The following TMEM117 variants were observed in gnomAD, a reference collection of about 807,000 sequenced individuals.
The protein encoded by TMEM117 is transmembrane protein 117.
A neutral mutation model predicts 52.4 loss-of-function variants in TMEM117; 27 were observed. The ratio of observed to expected loss-of-function variants is 0.51; its 90% CI spans 0.38 to 0.71. The LOEUF is 0.71. TMEM117 is among the 30% of genes least tolerant of loss of function. The probability of loss-of-function intolerance (pLI) is 0.00; values close to 1 mark genes in which losing one functional copy is unlikely to be tolerated. For missense variants in TMEM117, 556 were observed against 630.5 expected (o/e 0.88, Z 1.26); for synonymous variants, 215 against 206.3 (o/e 1.04, Z -0.36).
chr12:44,031,912 G>A (rs1946638864), intron 3 of TMEM117, among the ~76,000 whole-genome samples: 1 of 152,142 alleles, frequency 6.6e-6, no homozygotes, highest in South Asian at 2.1e-4. Flanking sequence ...AATCAAATTT[G>A]ACTTGTAGAG....
At chr12:44,317,284 TTATATA>T (rs539649274) in intron 6 of TMEM117, among the ~76,000 whole-genome samples, 1 of 146,956 alleles carries the variant, frequency 6.8e-6, no homozygotes, top group Non-Finnish European at 1.5e-5. Context: ...TCTTTCCCTA[TTATATA>T]TATATATATG....
chr12:44,389,863 C>T (rs2138882085), downstream of TMEM117: 1 of 152,170 alleles, frequency 6.6e-6, no homozygotes, highest in Admixed American at 6.6e-5. Context: ...AGAGAAGGCA[C>T]ACTGCCAACT....
chr12:44,050,993 G>T lies in TMEM117; in HGVS notation c.411-92532G>T, dbSNP rs577521140. ...AAATTTATTATTTCATTATTCCTAA[G>T]ACTTCATTTATTACGATCCTTGGGA... On this transcript the variant is annotated intron_variant, in intron 3 of 7. Transcript: ENST00000266534. 3.9e-4 allele frequency among the ~76,000 whole-genome samples: 60 copies of T among 152,274 alleles called. 1 individual carries two copies. The South Asian group carries it at 0.012, about 30-fold the overall frequency.
At chr12:44,171,225 C>T (rs569690872) in intron 4 of TMEM117, among the ~76,000 whole-genome samples, 3 of 151,996 alleles carry the variant, frequency 2.0e-5, no homozygotes, top group Admixed American at 6.6e-5. Context: ...CCATTTTAGC[C>T]GGGATGGTCT....
intron 4 of TMEM117, among the ~76,000 whole-genome samples, chr12:44,197,561 G>A (rs577494493): frequency 4.9e-4 from 75 of 152,176 alleles, no homozygotes; most frequent in African/African-American, 1.6e-3. Flanking sequence ...CAAAACCAGT[G>A]ATCATTCTCA....
chr12:44,340,800 A>G (rs1951406781), intron 6 of TMEM117, among the ~76,000 whole-genome samples: 1 of 152,096 alleles, frequency 6.6e-6, no homozygotes, highest in South Asian at 2.1e-4. Context: ...CATTGTACAC[A>G]TATTTTTAAT....
At chr12:44,233,666 A>G (rs1239876743) in intron 5 of TMEM117, among the ~76,000 whole-genome samples, 1 of 151,372 alleles carries the variant, frequency 6.6e-6, no homozygotes, top group African/African-American at 2.4e-5. Flanking sequence ...AAAATATTTT[A>G]TTGTATCTTT....
At chr12:43,923,150 C>T (rs7976155) in intron 2 of TMEM117, among the ~76,000 whole-genome samples, 149,913 of 152,260 alleles carry the variant, frequency 0.98, 73,832 homozygotes, top group East Asian at 1. Flanking sequence ...TGTTGCTTCT[C>T]CCCTGGAAGT....
intron 5 of TMEM117, among the ~76,000 whole-genome samples, chr12:44,282,103 T>C (rs1479141317): frequency 6.6e-6 from 1 of 151,926 alleles, no homozygotes; most frequent in Non-Finnish European, 1.5e-5. Flanking sequence ...TTTGCTTCTT[T>C]CTCATTTTTC....
chr12:43,865,154 T>A (rs1393778722), intron 2 of TMEM117, among the ~76,000 whole-genome samples: 1 of 152,166 alleles, frequency 6.6e-6, no homozygotes, highest in African/African-American at 2.4e-5. Context: ...GCGGCTTCAT[T>A]CTTGAAGTCA....
At chr12:44,157,211 A>G (rs1948837208) in intron 4 of TMEM117, among the ~76,000 whole-genome samples, 1 of 152,136 alleles carries the variant, frequency 6.6e-6, no homozygotes, top group Admixed American at 6.6e-5. Flanking sequence ...CCAATTCTTC[A>G]TGTGCTTTAA....
At chr12:43,894,784 G>T (rs12582940) in intron 2 of TMEM117, among the ~76,000 whole-genome samples, 1 of 151,952 alleles carries the variant, frequency 6.6e-6, no homozygotes, top group Non-Finnish European at 1.5e-5. Flanking sequence ...TCTTTATCCC[G>T]TCTGTCATTG....
intron 4 of TMEM117, among the ~76,000 whole-genome samples, chr12:44,148,018 G>GT (rs1948669938): frequency 6.6e-6 from 1 of 151,856 alleles, no homozygotes; most frequent in Non-Finnish European, 1.5e-5. Flanking sequence ...CCTGAAAACC[G>GT]TATACTGTGT....
chr12:43,983,563 T>C (rs1945796374), intron 3 of TMEM117, among the ~76,000 whole-genome samples: 1 of 146,718 alleles, frequency 6.8e-6, no homozygotes, highest in Non-Finnish European at 1.5e-5. Flanking sequence ...TGTGTGTGTG[T>C]GTGTGTGTGT....
Position 44,299,095 on chromosome 12 carries a change from T to C in TMEM117, c.609-485T>C, listed in dbSNP as rs1408080697. On this transcript the variant is annotated intron_variant, in intron 5 of 7. Coordinates refer to ENST00000266534, the MANE Select transcript of TMEM117 (RefSeq NM_032256.3). ...TCCATAATTATTATCTTAATGTTCT[T>C]TGGGGAAAACTGCTTTTGATAGAAG... 1.3e-5 allele frequency among the ~76,000 whole-genome samples: 2 copies of C among 149,364 alleles called. 1 individual carries two copies. Among genetic ancestry groups the C allele is most frequent in the African/African-American group, 5.2e-5 (2 of 38,828 alleles).
At chr12:44,129,424 G>A (rs1201262682) in intron 3 of TMEM117, among the ~76,000 whole-genome samples, 1 of 151,884 alleles carries the variant, frequency 6.6e-6, no homozygotes, top group East Asian at 1.9e-4. Context: ...AGCTCTGCAT[G>A]TCAGTGTCTT....
At chr12:44,397,365 T>C in the TMEM117 span, among the ~76,000 whole-genome samples, 1 of 152,210 alleles carries the variant, frequency 6.6e-6, no homozygotes, top group East Asian at 1.9e-4. Context: ...AAAGGAAATA[T>C]AATGTCCCCA....
intron 3 of TMEM117, among the ~76,000 whole-genome samples, chr12:44,105,160 T>C (rs1947931082): frequency 6.6e-6 from 1 of 152,026 alleles, no homozygotes; most frequent in African/African-American, 2.4e-5. Flanking sequence ...TGTTTGATTT[T>C]TTTTCAGTCT....
intron 3 of TMEM117, among the ~76,000 whole-genome samples, chr12:43,988,536 A>G (rs1945884996): frequency 6.6e-6 from 1 of 152,138 alleles, no homozygotes; most frequent in South Asian, 2.1e-4. Context: ...AGTCTTGAGA[A>G]CATATGGACT....
Sources: gnomAD v4.1 joint callset for allele counts (sites outside exome capture counted in the v4.1 genomes callset) on GRCh38, gnomAD v4.1.1 for gene constraint, MANE v1.5 for transcripts, NCBI Gene and HGNC (gene_info 2026-07-23, HGNC 2026-07-21) for gene names.